CCDC7: variants seen among roughly 807,000 people sequenced by gnomAD.
The protein encoded by CCDC7 is coiled-coil domain containing 7.
CCDC7 carries 183 observed loss-of-function variants against 196.9 expected under a neutral mutation model. The ratio of observed to expected loss-of-function variants is 0.93; its 90% CI spans 0.82 to 1.05. The LOEUF (loss-of-function observed/expected upper bound fraction) is 1.05. CCDC7 is among the 50% of genes least tolerant of loss of function. The pLI is 0.00. For missense variants in CCDC7, 1,540 were observed against 1,482.2 expected, an observed-to-expected ratio of 1.04 and a Z score of -0.64; for synonymous variants, 525 against 484.6, an observed-to-expected ratio of 1.08 and a Z score of -1.10.
intron 21 of CCDC7, among the ~76,000 whole-genome samples, chr10:32,668,488 A>G (rs1445431744): frequency 2.0e-5 from 3 of 152,168 alleles, no homozygotes; most frequent in Non-Finnish European, 2.9e-5. Flanking sequence ...CCCATTCAGT[A>G]TGATATTGGC....
chr10:32,575,284 T>G (rs796835919), intron 16 of CCDC7, among the ~76,000 whole-genome samples: 1 of 152,184 alleles, frequency 6.6e-6, no homozygotes, highest in South Asian at 2.1e-4. Context: ...ATGTATGTTA[T>G]AACTAAAAGA....
intron 29 of CCDC7, among the ~76,000 whole-genome samples, chr10:32,785,941 G>A (rs757041604): frequency 6.6e-6 from 1 of 151,816 alleles, no homozygotes; most frequent in Non-Finnish European, 1.5e-5. Context: ...GATATATAGT[G>A]CTGTTAATAC....
chr10:32,514,355 G>A (rs1324321617), intron 9 of CCDC7: 2 of 152,162 alleles, frequency 1.3e-5, no homozygotes, highest in Non-Finnish European at 1.5e-5. Context: ...GTCCTTATAG[G>A]AATTGGAAAA....
chr10:32,795,922 A>G (rs1195528702), intron 29 of CCDC7, among the ~76,000 whole-genome samples: 1 of 151,938 alleles, frequency 6.6e-6, no homozygotes, highest in African/African-American at 2.4e-5. Context: ...AGTGCTTCTT[A>G]TATGTTATTA....
intron 20 of CCDC7, among the ~76,000 whole-genome samples, chr10:32,647,109 T>C (rs988353800): frequency 6.6e-6 from 1 of 152,266 alleles, no homozygotes; most frequent in African/African-American, 2.4e-5. Flanking sequence ...GTAATGGGAC[T>C]GCTGGGCTGA....
At chr10:32,814,260 A>G in intron 30 of CCDC7, 110 bp from the exon 32 acceptor site, 1 of 808,790 alleles carries the variant, frequency 1.2e-6, no homozygotes, top group East Asian at 2.6e-5. Flanking sequence ...GCCCAGCCAC[A>G]AATATTTTAA....
intron 18 of CCDC7, among the ~76,000 whole-genome samples, chr10:32,605,828 A>T (rs181869948): frequency 5.9e-4 from 88 of 149,460 alleles, no homozygotes; most frequent in Admixed American, 9.7e-4. Flanking sequence ...GAAAATTTAT[A>T]ACCTGGCCAT....
At chr10:32,821,070 G>A (rs1183664766) in intron 31 of CCDC7, among the ~76,000 whole-genome samples, 4 of 152,166 alleles carry the variant, frequency 2.6e-5, no homozygotes, top group Admixed American at 6.5e-5. Flanking sequence ...CTACCCATCT[G>A]ACAAAGGGCT....
At chr10:32,633,806 A>G (rs1172411638) in intron 18 of CCDC7, among the ~76,000 whole-genome samples, 1 of 151,538 alleles carries the variant, frequency 6.6e-6, no homozygotes, top group Non-Finnish European at 1.5e-5. Context: ...AGTGAAAAAT[A>G]TGCAGAAGGT....
At chr10:32,640,292 G>A (rs1170404201) in intron 20 of CCDC7, among the ~76,000 whole-genome samples, 1 of 152,136 alleles carries the variant, frequency 6.6e-6, no homozygotes, top group Non-Finnish European at 1.5e-5. Flanking sequence ...TTACCATTAT[G>A]TAATGGCTTT....
At chr10:32,789,589 G>A (rs1243478534) in intron 29 of CCDC7, among the ~76,000 whole-genome samples, 1 of 151,266 alleles carries the variant, frequency 6.6e-6, no homozygotes, top group Non-Finnish European at 1.5e-5. Flanking sequence ...CAAGAATTAT[G>A]GGACACTGCT....
At chr10:32,679,303 A>T (rs2075503357) in intron 21 of CCDC7, among the ~76,000 whole-genome samples, 1 of 152,178 alleles carries the variant, frequency 6.6e-6, no homozygotes, top group Admixed American at 6.5e-5. Context: ...GACCTGTGGC[A>T]GTGTCCTTCT....
intron 13 of CCDC7, among the ~76,000 whole-genome samples, chr10:32,559,552 C>A (rs974081104): frequency 4.6e-5 from 7 of 152,208 alleles, no homozygotes; most frequent in African/African-American, 1.7e-4. Context: ...CTGCTGTTAT[C>A]CAGGTAGACG....
At chr10:32,625,965 A>G (rs539009875) in intron 18 of CCDC7, among the ~76,000 whole-genome samples, 17 of 152,196 alleles carry the variant, frequency 1.1e-4, no homozygotes, top group African/African-American at 3.9e-4. Context: ...TTATCCATTC[A>G]TCCATTGATA....
At chr10:32,666,789 G>A (rs112869266) in intron 21 of CCDC7, among the ~76,000 whole-genome samples, 11,542 of 152,008 alleles carry the variant, frequency 0.076, 533 homozygotes, top group East Asian at 0.16. Context: ...TGGACATTTG[G>A]GTTGGTTCCA....
intron 20 of CCDC7, among the ~76,000 whole-genome samples, chr10:32,644,579 C>G (rs2067421435): frequency 6.6e-6 from 1 of 152,142 alleles, no homozygotes; most frequent in Admixed American, 6.5e-5. Flanking sequence ...CCACCCAAAT[C>G]TCTTCTTGAA....
intron 25 of CCDC7, among the ~76,000 whole-genome samples, chr10:32,723,461 CG>C (rs1456286122): frequency 4.4e-4 from 67 of 152,160 alleles, no homozygotes; most frequent in African/African-American, 1.5e-3. Context: ...CATCTACCAC[CG>C]GGGTGGCTAA....
intron 18 of CCDC7, among the ~76,000 whole-genome samples, chr10:32,603,090 G>T (rs965472155): frequency 6.6e-6 from 1 of 151,720 alleles, no homozygotes; most frequent in Non-Finnish European, 1.5e-5. Flanking sequence ...ATTAGCTAAT[G>T]TCGCTTCATT....
At position 32,537,791 on chromosome 10, in the gene CCDC7, T is replaced by C. The variant is rs187800507; in HGVS notation, c.994-5509T>C. Among the ~76,000 whole-genome samples, 13 of 152,272 alleles carry C rather than the reference T, an allele frequency of 8.5e-5. No individual in the cohort carries two copies. In the East Asian group the frequency reaches 2.5e-3, roughly 29 times the overall value. ...TTGTTTTTGTCAGGTTTATTGAAGA[T>C]CAGATAGTTTTAGGTGTGCAGCCTT... On this transcript the variant is annotated intron_variant, in intron 11 of 41. Transcript: ENST00000639629.
Sources: allele counts gnomAD v4.1 joint callset (sites outside exome capture counted in the v4.1 genomes callset), GRCh38; gene constraint gnomAD v4.1.1; transcripts MANE v1.5; gene names NCBI Gene and HGNC (gene_info 2026-07-23, HGNC 2026-07-21).